ADAMTS3: variants seen among roughly 807,000 people sequenced by gnomAD.
ADAMTS3 encodes the protein ADAM metallopeptidase with thrombospondin type 1 motif 3, also known as A disintegrin and metalloproteinase with thrombospondin motifs 3.
A neutral mutation model predicts 129.0 loss-of-function variants in ADAMTS3; 73 were observed. The ratio of observed to expected loss-of-function variants is 0.57; its 90% confidence interval spans 0.47 to 0.69. The LOEUF (loss-of-function observed/expected upper bound fraction) is 0.69. Among genes scored for constraint, ADAMTS3 ranks in the 30% least tolerant of loss-of-function variants. The probability of loss-of-function intolerance (pLI) is 0.00; values close to 1 mark genes in which losing one functional copy is unlikely to be tolerated. For missense variants in ADAMTS3, 1,457 were observed against 1,514.5 expected, an observed-to-expected ratio of 0.96 and a Z score of 0.63; for synonymous variants, 477 against 510.8, an observed-to-expected ratio of 0.93 and a Z score of 0.89.
At chr4:72,325,013 G>A (rs1030371295) in intron 5 of ADAMTS3, among the ~76,000 whole-genome samples, 1 of 151,886 alleles carries the variant, frequency 6.6e-6, no homozygotes, top group Non-Finnish European at 1.5e-5. Flanking sequence ...ATAGGGTTAG[G>A]GTGAGAATTA....
chr4:72,567,275 C>A, intron 2 of ADAMTS3, 99 bp downstream of exon 2: 2 of 1,171,940 alleles, frequency 1.7e-6, no homozygotes, highest in South Asian at 2.7e-5. Context: ...TTTTTTTAAC[C>A]ACCAGTGGGA....
At chr4:72,455,072 T>A (rs1298041324) in intron 3 of ADAMTS3, among the ~76,000 whole-genome samples, 1 of 151,686 alleles carries the variant, frequency 6.6e-6, no homozygotes, top group Non-Finnish European at 1.5e-5. Context: ...TATATGCACA[T>A]GTTTTATGCA....
At chr4:72,362,069 C>T (rs1007447318) in intron 4 of ADAMTS3, among the ~76,000 whole-genome samples, 1 of 151,934 alleles carries the variant, frequency 6.6e-6, no homozygotes, top group Non-Finnish European at 1.5e-5. Flanking sequence ...GTGTTATTAC[C>T]ATAATCTTGT....
chr4:72,457,751 C>G (rs1718662894), intron 3 of ADAMTS3, among the ~76,000 whole-genome samples: 1 of 151,596 alleles, frequency 6.6e-6, no homozygotes, highest in Non-Finnish European at 1.5e-5. Context: ...ATGATACTGT[C>G]TTCTTAGAAT....
chr4:72,403,762 C>T (rs755725938), intron 4 of ADAMTS3, among the ~76,000 whole-genome samples: 25 of 151,960 alleles, frequency 1.6e-4, no homozygotes, highest in Non-Finnish European at 3.2e-4. Context: ...AACAAGAGTC[C>T]TTTCAGCAAC....
Position 72,356,101 on chromosome 4 carries a change from T to A in ADAMTS3, c.662-16408A>T, listed in dbSNP as rs553247535. The stretch of plus-strand genomic sequence containing the variant: ...AATGAACTGGAAATACAGCAAGTGA[T>A]CAATAAATATTTGTTAAACAAATGA... On this transcript the variant is annotated intron_variant, in intron 4 of 21. Coordinates refer to ENST00000286657, the MANE Select transcript of ADAMTS3 (RefSeq NM_014243.3). Among the ~76,000 whole-genome samples, 18 of 152,178 alleles carry A rather than the reference T, an allele frequency of 1.2e-4. No individual in the cohort carries two copies. In the East Asian group the frequency reaches 2.9e-3, roughly 25 times the overall value.
chr4:72,282,481 A>T lies in ADAMTS3; in HGVS notation c.*655T>A, dbSNP rs1718377108. 6.6e-6 allele frequency: 1 copy of T among 152,578 alleles called. No individual in the cohort carries two copies. The highest frequency in any genetic ancestry group is 2.4e-5 in the African/African-American group (1 of 41,446). The allele number at this position is 152,578 out of a possible 1,614,324, so 9.5% of individuals were successfully genotyped here. On this transcript the variant is annotated 3_prime_UTR_variant, in exon 22 of 22. Coordinates refer to ENST00000286657, the MANE Select transcript of ADAMTS3 (RefSeq NM_014243.3). The stretch of plus-strand genomic sequence containing the variant: ...ATTCAACAAAACCCTTTATATTGTC[A>T]GTAGCTGTAATTCTAACTTCTCTTT...
At chr4:72,471,065 A>G (rs1719060542) in intron 3 of ADAMTS3, among the ~76,000 whole-genome samples, 1 of 152,152 alleles carries the variant, frequency 6.6e-6, no homozygotes, top group South Asian at 2.1e-4. Flanking sequence ...ACTTAAAATA[A>G]TGACTAAGAG....
At chr4:72,461,838 A>C (rs956658309) in intron 3 of ADAMTS3, among the ~76,000 whole-genome samples, 7 of 151,966 alleles carry the variant, frequency 4.6e-5, no homozygotes, top group African/African-American at 1.7e-4. Flanking sequence ...ATACACATTT[A>C]ACAAAATTGA....
rs1490297018 is a variant in ADAMTS3, at chr4:72,548,681, G to A, written c.301C>T (p.Leu101=). 1.2e-6 allele frequency: 2 copies of A among 1,613,920 alleles called. No homozygotes were observed. Among genetic ancestry groups the A allele is most frequent in the Non-Finnish European group, 1.7e-6 (2 of 1,179,946 alleles). The change falls in exon 3 of 22, where the codon CTA becomes TTA. Residue 101 remains leucine, a synonymous_variant. Transcript: ENST00000286657. The part of the protein sequence containing the change: ...FHLRLKPNTQ[L]VAPGAVVEWH... ...TCCACAACAGCCCCAGGAGCTACTA[G>A]TTGAGTGTTGGGCTTTAGTCGCAGA... is the stretch of plus-strand genomic sequence containing the variant.
intron 4 of ADAMTS3, among the ~76,000 whole-genome samples, chr4:72,397,280 T>C (rs1210429110): frequency 6.6e-6 from 1 of 152,108 alleles, no homozygotes; most frequent in Non-Finnish European, 1.5e-5. Context: ...AAGAAAAGTA[T>C]ATCAGCCGGG....
chr4:72,338,853 C>T (rs1250730066), intron 5 of ADAMTS3, among the ~76,000 whole-genome samples: 1 of 152,018 alleles, frequency 6.6e-6, no homozygotes, highest in Non-Finnish European at 1.5e-5. Context: ...AAAGAAAGAA[C>T]ACAAGTTTCA....
intron 1 of ADAMTS3, among the ~76,000 whole-genome samples, chr4:72,567,814 G>A (rs1015261878): frequency 6.6e-6 from 1 of 152,176 alleles, no homozygotes; most frequent in Non-Finnish European, 1.5e-5. Context: ...CCCTATGGTC[G>A]TTCAGACCAG....
At chr4:72,468,531 T>C (rs968190903) in intron 3 of ADAMTS3, among the ~76,000 whole-genome samples, 1 of 152,098 alleles carries the variant, frequency 6.6e-6, no homozygotes, top group Non-Finnish European at 1.5e-5. Context: ...GTATCAGTTA[T>C]ATTAAAAGAC....
At chr4:72,357,571 G>A (rs1012878951) in intron 4 of ADAMTS3, among the ~76,000 whole-genome samples, 1 of 151,846 alleles carries the variant, frequency 6.6e-6, no homozygotes, top group Non-Finnish European at 1.5e-5. Context: ...ACATATATGT[G>A]TGTGAATGTG....
chr4:72,396,704 T>C (rs1326740754), intron 4 of ADAMTS3, among the ~76,000 whole-genome samples: 1 of 152,172 alleles, frequency 6.6e-6, no homozygotes, highest in Non-Finnish European at 1.5e-5. Context: ...TTGGGGTATT[T>C]ATAACTATGA....
intron 4 of ADAMTS3, among the ~76,000 whole-genome samples, chr4:72,348,849 A>T (rs1720356070): frequency 6.6e-6 from 1 of 151,822 alleles, no homozygotes; most frequent in Non-Finnish European, 1.5e-5. Context: ...CTCAGCTTGC[A>T]AAAACAAGGA....
chr4:72,435,879 A>C (rs12509587), intron 3 of ADAMTS3, among the ~76,000 whole-genome samples: 20,392 of 152,180 alleles, frequency 0.13, 1,866 homozygotes, highest in Middle Eastern at 0.21. Flanking sequence ...CTTAAATGTT[A>C]GACCTAAAAC....
rs575647426 is a variant in ADAMTS3 at position 72,565,159 on chromosome 4, G to A, written c.97+2215C>T. Among the ~76,000 whole-genome samples, 14 of 152,180 alleles carry A rather than the reference G, an allele frequency of 9.2e-5. No individual in the cohort carries two copies. The East Asian group carries it at 2.7e-3, about 29-fold the overall frequency. On this transcript the variant is annotated intron_variant, in intron 2 of 21. Coordinates refer to ENST00000286657, the MANE Select transcript of ADAMTS3 (RefSeq NM_014243.3). ...TTAAAATTTAGTTTCTTAACAACTT[G>A]TGGTTTATTACTCATTTATATTTAA...
Sources: allele counts gnomAD v4.1 joint callset (sites outside exome capture counted in the v4.1 genomes callset), GRCh38; gene constraint gnomAD v4.1.1; transcripts MANE v1.5; gene names NCBI Gene and HGNC (gene_info 2026-07-23, HGNC 2026-07-21).